Variants in MCUB observed in about 807,000 individuals in gnomAD.
MCUB encodes the protein mitochondrial calcium uniporter dominant negative subunit beta, also known as calcium uniporter regulatory subunit MCUb, mitochondrial.
A neutral mutation model predicts 41.4 loss-of-function variants in MCUB; 46 were observed. The observed-to-expected ratio is 1.11, with a 90% CI of 0.88 to 1.42. MCUB has a LOEUF of 1.42. Among genes scored for constraint, MCUB ranks in the 40% most tolerant of loss-of-function variants. MCUB has a pLI of 0.00. For missense variants in MCUB, 403 were observed against 404.9 expected (o/e 1.00, Z 0.04); for synonymous variants, 148 against 148.2 (o/e 1.00, Z 0.01).
At chr4:109,682,323 A>AC (rs1729736216) in intron 4 of MCUB, among the ~76,000 whole-genome samples, 1 of 86,826 alleles carries the variant, frequency 1.2e-5, no homozygotes, top group Non-Finnish European at 2.3e-5. Flanking sequence ...TTTTTTGGTG[A>AC]CTTTTTTTTT....
intron 1 of MCUB, among the ~76,000 whole-genome samples, chr4:109,634,521 CG>C (rs1728547596): frequency 6.6e-6 from 1 of 150,820 alleles, no homozygotes; most frequent in African/African-American, 2.4e-5. Flanking sequence ...CTCCATGCTC[CG>C]TTTTAGTCAC....
At chr4:109,567,635 G>A (rs1365150192) in intron 1 of MCUB, among the ~76,000 whole-genome samples, 1 of 149,678 alleles carries the variant, frequency 6.7e-6, no homozygotes, top group Non-Finnish European at 1.5e-5. Context: ...AGACGGTCTC[G>A]ATCTCCAAAA....
chr4:109,580,873 T>G (rs1413162881), intron 1 of MCUB, among the ~76,000 whole-genome samples: 1 of 152,216 alleles, frequency 6.6e-6, no homozygotes, highest in Admixed American at 6.5e-5. Flanking sequence ...AGAAGCTCTT[T>G]AGTTTAATTA....
chr4:109,614,720 G>A (rs73838822), intron 1 of MCUB, among the ~76,000 whole-genome samples: 6,865 of 150,908 alleles, frequency 0.045, 478 homozygotes, highest in African/African-American at 0.15. Flanking sequence ...CTTTTCATCC[G>A]TCATCCTTTC....
intron 3 of MCUB, among the ~76,000 whole-genome samples, chr4:109,661,046 A>G (rs1203940692): frequency 6.6e-6 from 1 of 152,250 alleles, no homozygotes; most frequent in Non-Finnish European, 1.5e-5. Flanking sequence ...TAATTAAAGT[A>G]CACAAAAAAT....
intron 1 of MCUB, among the ~76,000 whole-genome samples, chr4:109,655,366 G>T (rs1163010274): frequency 6.6e-6 from 1 of 152,112 alleles, no homozygotes; most frequent in Admixed American, 6.5e-5. Flanking sequence ...TCATCATGTG[G>T]GCATAATGGA....
intron 1 of MCUB, among the ~76,000 whole-genome samples, chr4:109,632,187 A>G (rs1484843886): frequency 6.6e-6 from 1 of 152,204 alleles, no homozygotes; most frequent in South Asian, 2.1e-4. Context: ...GAAGGGCCAG[A>G]TAGTAAATAT....
rs183829923 is a variant in MCUB, at chr4:109,563,643, C to A, written c.99+3207C>A. ...ATATTAAACATTACCACTTTTGCAGCACTTAAGTATTAGTGTGTTTTTTTT... is the reference window on the plus strand; with the variant it reads ...ATATTAAACATTACCACTTTTGCAGAACTTAAGTATTAGTGTGTTTTTTTT... On this transcript the variant is annotated intron_variant, in intron 1 of 7. Coordinates refer to ENST00000394650, the MANE Select transcript of MCUB (RefSeq NM_017918.5). Among the ~76,000 whole-genome samples the A allele has an allele frequency of 3.9e-5, 6 of 152,252 alleles. No individual in the cohort carries two copies. In the East Asian group the frequency reaches 1.2e-3, roughly 29 times the overall value.
chr4:109,596,987 G>A (rs530977060), intron 1 of MCUB, among the ~76,000 whole-genome samples: 5 of 151,862 alleles, frequency 3.3e-5, no homozygotes, highest in East Asian at 1.9e-4. Flanking sequence ...ATCTTGCACC[G>A]CCCTTAATCC....
chr4:109,670,443 C>G (rs61490251), intron 4 of MCUB, among the ~76,000 whole-genome samples: 1 of 152,208 alleles, frequency 6.6e-6, no homozygotes, highest in Non-Finnish European at 1.5e-5. Context: ...TTTGGCCAGG[C>G]GCAGTGGTTC....
intron 1 of MCUB, among the ~76,000 whole-genome samples, chr4:109,637,666 T>C (rs1728624319): frequency 6.6e-6 from 1 of 152,166 alleles, no homozygotes; most frequent in African/African-American, 2.4e-5. Flanking sequence ...AAACCAAACA[T>C]TTTTGTTCTC....
At chr4:109,631,024 A>C (rs906955053) in intron 1 of MCUB, among the ~76,000 whole-genome samples, 3 of 152,208 alleles carry the variant, frequency 2.0e-5, no homozygotes, top group Non-Finnish European at 4.4e-5. Flanking sequence ...TTGATTCTTT[A>C]TATGATAGTT....
At chr4:109,631,942 C>G (rs1728482159) in intron 1 of MCUB, among the ~76,000 whole-genome samples, 1 of 152,134 alleles carries the variant, frequency 6.6e-6, no homozygotes, top group African/African-American at 2.4e-5. Context: ...CAGCTTGGTC[C>G]TGTTTACACT....
intron 1 of MCUB, among the ~76,000 whole-genome samples, chr4:109,653,411 GT>G (rs954320494): frequency 6.6e-6 from 1 of 151,650 alleles, no homozygotes; most frequent in African/African-American, 2.4e-5. Flanking sequence ...ACTGCCAAAT[GT>G]TTTCCAGAAT....
At position 109,670,732 on chromosome 4, in the gene MCUB, G is replaced by A. The variant is rs1226092721; in HGVS notation, c.451+6338G>A. Reference sequence around the variant, plus strand: ...AGACTCTGTCTCCAAAAAAAAAAAAGAAAAAGAAAAAGAACAGAATTCTCT... The same window carrying A: ...AGACTCTGTCTCCAAAAAAAAAAAAAAAAAAGAAAAAGAACAGAATTCTCT... On this transcript the variant is annotated intron_variant, in intron 4 of 7. Coordinates refer to ENST00000394650, the MANE Select transcript of MCUB (RefSeq NM_017918.5). 2.0e-5 allele frequency among the ~76,000 whole-genome samples: 3 copies of A among 150,376 alleles called. No individual in the cohort carries two copies. The South Asian group carries it at 6.4e-4, about 32-fold the overall frequency.
chr4:109,602,448 G>T lies in MCUB; in HGVS notation c.99+42012G>T, dbSNP rs116355225. Among the ~76,000 whole-genome samples, 1,245 of 152,240 alleles carry T rather than the reference G, an allele frequency of 8.2e-3. 11 individuals carry two copies. Among genetic ancestry groups the T allele is most frequent in the African/African-American group, 0.028 (1,184 of 41,544 alleles). On this transcript the variant is annotated intron_variant, in intron 1 of 7. Transcript: ENST00000394650. ...TGCATATAAATATCCAGTTTCCCTG[G>T]CACCATTTATTGAAGAAACTGTCTT...
intron 5 of MCUB, among the ~76,000 whole-genome samples, chr4:109,684,065 CTTTTT>C (rs71595507): frequency 7.1e-6 from 1 of 140,048 alleles, no homozygotes; most frequent in Non-Finnish European, 1.5e-5. Context: ...TTCCTCTTTT[CTTTTT>C]TTTTTTTTTT....
intron 1 of MCUB, among the ~76,000 whole-genome samples, chr4:109,620,505 A>G (rs1235639125): frequency 6.7e-6 from 1 of 149,648 alleles, no homozygotes; most frequent in African/African-American, 2.5e-5. Context: ...CAAGTAACAT[A>G]CTAGATATAA....
chr4:109,633,664 G>A (rs892170157), intron 1 of MCUB, among the ~76,000 whole-genome samples: 1 of 152,158 alleles, frequency 6.6e-6, no homozygotes, highest in Non-Finnish European at 1.5e-5. Context: ...TGCACGACTT[G>A]AATAGAGTTG....
Sources: gnomAD v4.1 joint callset for allele counts (sites outside exome capture counted in the v4.1 genomes callset) on GRCh38, gnomAD v4.1.1 for gene constraint, MANE v1.5 for transcripts, NCBI Gene and HGNC (gene_info 2026-07-23, HGNC 2026-07-21) for gene names.